The following EPHB6 variants were observed in gnomAD, a reference collection of about 807,000 sequenced individuals.
EPHB6 encodes the protein EPH receptor B6.
In EPHB6, 51 loss-of-function variants were observed where a neutral mutation model predicts 107.0. That is an observed-to-expected ratio of 0.48 (90% CI 0.38 to 0.60). The LOEUF (loss-of-function observed/expected upper bound fraction) is 0.60, where lower values mean the gene tolerates loss of function less well. EPHB6 is among the 20% of genes least tolerant of loss of function. The pLI is 0.00. For missense variants in EPHB6, 1,141 were observed against 1,355.5 expected, an observed-to-expected ratio of 0.84 and a Z score of 2.48; for synonymous variants, 553 against 549.0, an observed-to-expected ratio of 1.01 and a Z score of -0.10.
Position 142,869,836 on chromosome 7 carries a change from G to T in EPHB6, c.2480G>T (p.Arg827Leu), listed in dbSNP as rs202035645. The T allele has an allele frequency of 6.2e-7, 1 of 1,614,140 alleles. No homozygotes were observed. Among genetic ancestry groups the T allele is most frequent in the Admixed American group, 1.7e-5 (1 of 60,016 alleles). Residue 827 changes from arginine to leucine, a missense_variant, in exon 17 of 20, where the codon CGC becomes CTC. Transcript: ENST00000652003. The surrounding 1 kb of genome is among the most constrained non-coding windows in gnomAD (Gnocchi z 4.5). ...HSPQGPSCLL[R>L]WAAPEVIAHG... ...CCTCAGGGCCCAAGTTGTTTGCTTC[G>T]CTGGGCAGCCCCAGAGGTCATTGCA...
In EPHB6 at chr7:142,866,665, T is replaced by C; in HGVS notation, c.1587+60T>C. 6.2e-7 allele frequency: 1 copy of C among 1,612,288 alleles called. No individual in the cohort carries two copies. The highest frequency in any genetic ancestry group is 8.5e-7 in the Non-Finnish European group (1 of 1,179,814). On this transcript the variant is annotated intron_variant, in intron 10 of 19. Transcript: ENST00000652003. The surrounding 1 kb of genome is among the most constrained non-coding windows in gnomAD (Gnocchi z 5.2). ...TGGTAGGAGCTCATAGGCCTCACAG[T>C]GGGGCCCAGAGGTGACCAGGTGCAC...
Position 142,867,306 on chromosome 7 carries a change from T to C in EPHB6, c.1750+238T>C. 3.2e-6 allele frequency: 2 copies of C among 630,430 alleles called. No homozygotes were observed. Among genetic ancestry groups the C allele is most frequent in the Non-Finnish European group, 5.6e-6 (2 of 357,640 alleles). 39.1% of individuals were successfully genotyped at this position (630,430 alleles called of 1,614,324 possible). A position where few individuals can be genotyped will look rare whatever the true frequency, so the allele number is the denominator to read the frequency against. ...TAGGAGGGCTGTGGGGATGTGTGTG[T>C]GTGTTGTGTGTCCCTGGGTGTGGAT... On this transcript the variant is annotated intron_variant, in intron 11 of 19. Coordinates refer to ENST00000652003, the MANE Select transcript of EPHB6 (RefSeq NM_004445.6). The surrounding 1 kb of genome is among the most constrained non-coding windows in gnomAD (Gnocchi z 5.3).
In EPHB6 at chr7:142,870,531, C is replaced by T. The variant is rs2116493007; in HGVS notation, c.2806C>T (p.Pro936Ser). 1 of 1,614,238 alleles carries T rather than the reference C, an allele frequency of 6.2e-7. No individual in the cohort carries two copies. Among genetic ancestry groups the T allele is most frequent in the Non-Finnish European group, 8.5e-7 (1 of 1,180,044 alleles). ...CCCTGCTTGCCCCTCCCCTCTTAGG[C>T]CTTCCCAGGCCCTTCTGACCCCTGT... ...LQAGGDPGER[P>S]SQALLTPVAL... The change falls in exon 19 of 20, where the codon CCT (proline) becomes TCT (serine). Residue 936 changes from proline (P) to serine (S), a missense_variant and splice_region_variant. Transcript: ENST00000652003.
rs1246948470 is a variant in EPHB6, at chr7:142,864,221, C to G, written c.421C>G (p.Pro141Ala). 2 of 1,613,792 alleles carry G rather than the reference C, an allele frequency of 1.2e-6. No individual in the cohort carries two copies. The highest frequency in any genetic ancestry group is 2.2e-5 in the South Asian group (2 of 91,094). Residue 141 changes from proline (P) to alanine (A), a missense_variant, in exon 7 of 20, where the codon CCT becomes GCT. Coordinates refer to ENST00000652003, the MANE Select transcript of EPHB6 (RefSeq NM_004445.6). ...CCGTCAGGCTGAGGAGCCCGACAGC[C>G]CTGACAGCGTTTCCTCCTGGCACCT... ...YYRQAEEPDS[P>A]DSVSSWHLKR...
Position 142,870,997 on chromosome 7 carries a change from C to A in EPHB6, c.*93C>A, listed in dbSNP as rs1235853691. The A allele has an allele frequency of 6.5e-6, 8 of 1,228,036 alleles. No homozygotes were observed. The highest frequency in any genetic ancestry group is 9.2e-6 in the Non-Finnish European group (8 of 872,704). The allele number at this position is 1,228,036 out of a possible 1,614,324, so 76.1% of individuals were successfully genotyped here. On this transcript the variant is annotated 3_prime_UTR_variant, in exon 20 of 20. Transcript: ENST00000652003. ...GCTCCAACAGCCTCTGTGAGAGATG[C>A]CCCACACCAAACCCAACCCTCCCGA...
At chr7:142,859,433 A>G (rs2116385489) in intron 1 of EPHB6, among the ~76,000 whole-genome samples, 1 of 152,372 alleles carries the variant, frequency 6.6e-6, no homozygotes, top group Non-Finnish European at 1.5e-5. Flanking sequence ...CTTCAAAAGA[A>G]TCTGCAGTGG....
chr7:142,870,133 C>T (rs1794827513), intron 17 of EPHB6, 81 bp from the exon 18 acceptor site: 18 of 1,597,476 alleles, frequency 1.1e-5, no homozygotes, highest in Non-Finnish European at 1.5e-5. Flanking sequence ...CCACCAGATT[C>T]CAGCCCACCC....
Position 142,866,334 on chromosome 7 carries a change from G to T in EPHB6, c.1462+18G>T, listed in dbSNP as rs1189536856. The T allele has an allele frequency of 6.2e-7, 1 of 1,613,360 alleles. No individual in the cohort carries two copies. On this transcript the variant is annotated intron_variant, in intron 9 of 19. Transcript: ENST00000652003. This position sits in a 1 kb window ranked among gnomAD's most constrained non-coding sequence, Gnocchi z 5.2. ...CCATGAAGGTGAGCTCTTTTCCTTG[G>T]CCTTCAGGATCCCCTGCCTCCGCTC... is the stretch of plus-strand genomic sequence containing the variant.
intron 6 of EPHB6, 129 bp from the exon 7 acceptor site, chr7:142,863,837 A>T: frequency 1.3e-6 from 2 of 1,492,690 alleles, no homozygotes; most frequent in Non-Finnish European, 1.9e-6. Flanking sequence ...ATTTCAAGGT[A>T]TCCTCTATCT....
Position 142,865,682 on chromosome 7 carries a change from G to A in EPHB6, c.1105+52G>A, listed in dbSNP as rs1419567989. 5.6e-6 allele frequency: 9 copies of A among 1,601,706 alleles called. No homozygotes were observed. In the East Asian group the frequency reaches 2.0e-4, roughly 36 times the overall value. On this transcript the variant is annotated intron_variant, in intron 8 of 19. Transcript: ENST00000652003. The stretch of plus-strand genomic sequence containing the variant: ...GGGAAAGAGACTTGGAGAGGGGCCA[G>A]AAGTGGGGGTAGCAGGCAACACTGG...
rs774307937 is a variant in EPHB6 at position 142,868,005 on chromosome 7, G to A, written c.1874G>A (p.Arg625His). 3.9e-5 allele frequency: 61 copies of A among 1,582,054 alleles called. No individual in the cohort carries two copies. Among genetic ancestry groups the A allele is most frequent in the Middle Eastern group, 1.9e-4 (1 of 5,318 alleles). The change falls in exon 13 of 20, where the codon CGT (arginine) becomes CAT (histidine). Residue 625 changes from arginine to histidine, a missense_variant. Transcript: ENST00000652003. This position sits in a 1 kb window ranked among gnomAD's most constrained non-coding sequence, Gnocchi z 4.2. Reference protein sequence around the residue: ...VLAVVFQRKRRGTGYTEQLQQ... With the variant: ...VLAVVFQRKRHGTGYTEQLQQ... ...ACCGTTTTGTTCCTCAGGAAGCGGC[G>A]TGGGACTGGCTACACAGAGCAGCTG...
chr7:142,862,234 T>G (rs550335378), intron 3 of EPHB6, 101 bp downstream of exon 3: 1 of 152,318 alleles, frequency 6.6e-6, no homozygotes, highest in African/African-American at 2.4e-5. Flanking sequence ...AGGCCCCATC[T>G]TCTAATACCA....
At chr7:142,861,497 CT>C (rs1189554518) in intron 2 of EPHB6, among the ~76,000 whole-genome samples, 5 of 152,142 alleles carry the variant, frequency 3.3e-5, no homozygotes. Context: ...CTTCCTTTGC[CT>C]TTTTCACAGG....
chr7:142,870,953 C>G lies in EPHB6; in HGVS notation c.*49C>G. ...CCCTGGACACTGGTCCGAGAAGGGA[C>G]ATGTGGGACGTGAGCCGGGCTCCAA... On this transcript the variant is annotated 3_prime_UTR_variant, in exon 20 of 20. Coordinates refer to ENST00000652003, the MANE Select transcript of EPHB6 (RefSeq NM_004445.6). The G allele has an allele frequency of 1.9e-6, 3 of 1,562,118 alleles. No individual in the cohort carries two copies. Among genetic ancestry groups the G allele is most frequent in the Non-Finnish European group, 2.6e-6 (3 of 1,149,074 alleles).
In EPHB6 at chr7:142,865,561, GC is replaced by G; in HGVS notation, c.1041del (p.Val348PhefsTer94). 6.2e-7 allele frequency: 1 copy of G among 1,613,614 alleles called. No individual in the cohort carries two copies. The highest frequency in any genetic ancestry group is 8.5e-7 in the Non-Finnish European group (1 of 1,180,006). On this transcript the variant is annotated frameshift_variant, in exon 8 of 20. Transcript: ENST00000652003. LOFTEE classifies it high-confidence loss of function. ...PARSHAPNPA[A>X]PVCPCLEGFY... ...CCGCAGTCACGCTCCCAACCCAGCA[GC>G]CCCCGTTTGCCCCTGCCTGGAGGGC...
rs761075959 is a variant in EPHB6 at position 142,869,862 on chromosome 7, C to T, written c.2506C>T (p.His836Tyr). Reference sequence around the variant, plus strand: ...CTGGGCAGCCCCAGAGGTCATTGCACATGGAAAGCATACAACATCCAGTGA... The same window carrying T: ...CTGGGCAGCCCCAGAGGTCATTGCATATGGAAAGCATACAACATCCAGTGA... Reference protein sequence around the residue: ...LRWAAPEVIAHGKHTTSSDVW... With the variant: ...LRWAAPEVIAYGKHTTSSDVW... The change falls in exon 17 of 20, where the codon CAT (histidine) becomes TAT (tyrosine). Residue 836 changes from histidine to tyrosine, a missense_variant. This residue lies in a region of EPHB6 where 616 missense variants were observed against 759.3 expected (regional missense o/e 0.81). Coordinates refer to ENST00000652003, the MANE Select transcript of EPHB6 (RefSeq NM_004445.6). The surrounding 1 kb of genome is among the most constrained non-coding windows in gnomAD (Gnocchi z 4.5). The T allele has an allele frequency of 4.3e-6, 7 of 1,614,192 alleles. No homozygotes were observed. The highest frequency in any genetic ancestry group is 5.9e-6 in the Non-Finnish European group (7 of 1,180,044).
Position 142,866,413 on chromosome 7 carries a change from C to T in EPHB6, c.1463-68C>T, listed in dbSNP as rs1366045590. The T allele has an allele frequency of 5.0e-6, 8 of 1,612,526 alleles. No homozygotes were observed. The African/African-American group carries it at 8.0e-5, about 16-fold the overall frequency. ...TCCAGCCTGGTCCACCCCTGCCGCCCTCCCCTCAAGGCTGATCCTGCTCCC... is the reference window on the plus strand; with the variant it reads ...TCCAGCCTGGTCCACCCCTGCCGCCTTCCCCTCAAGGCTGATCCTGCTCCC... On this transcript the variant is annotated intron_variant, in intron 9 of 19. Transcript: ENST00000652003. The surrounding 1 kb of genome is among the most constrained non-coding windows in gnomAD (Gnocchi z 5.2).
chr7:142,866,211 G>T lies in EPHB6; in HGVS notation c.1357G>T (p.Ala453Ser), dbSNP rs763842895. ...CCGAGTGTTAGTGGGGGGACTCCGG[G>T]CACACGTACCCTACATCTTAGAGGT... ...ESRVLVGGLR[A>S]HVPYILEVQA... Residue 453 changes from alanine (A) to serine (S), a missense_variant, in exon 9 of 20, where the codon GCA (alanine) becomes TCA (serine). Coordinates refer to ENST00000652003, the MANE Select transcript of EPHB6 (RefSeq NM_004445.6). This position sits in a 1 kb window ranked among gnomAD's most constrained non-coding sequence, Gnocchi z 5.2. 11 of 1,614,092 alleles carry T rather than the reference G, an allele frequency of 6.8e-6. No homozygotes were observed. In the African/African-American group the frequency reaches 1.3e-4, roughly 20 times the overall value.
In EPHB6 at chr7:142,870,426, G is replaced by C. The variant is rs377458329; in HGVS notation, c.2804+19G>C. On this transcript the variant is annotated intron_variant, in intron 18 of 19. Coordinates refer to ENST00000652003, the MANE Select transcript of EPHB6 (RefSeq NM_004445.6). The stretch of plus-strand genomic sequence containing the variant: ...GGGAAAGGTCTGGAGCTTGGGGCTA[G>C]AGCCTGGGAAAGCCAGGGAGGGTAG... The C allele has an allele frequency of 3.8e-5, 62 of 1,613,820 alleles. No individual in the cohort carries two copies. Among genetic ancestry groups the C allele is most frequent in the Non-Finnish European group, 4.7e-5 (55 of 1,179,962 alleles).
Sources: allele counts gnomAD v4.1 joint callset (sites outside exome capture counted in the v4.1 genomes callset), GRCh38; gene constraint gnomAD v4.1.1; regional missense constraint gnomAD v4.1.1; non-coding constraint Gnocchi (gnomAD v3.1); transcripts MANE v1.5; gene names NCBI Gene and HGNC (gene_info 2026-07-23, HGNC 2026-07-21).